The following TAF3 variants were observed in gnomAD, a reference collection of about 807,000 sequenced individuals.
TAF3 encodes the protein transcription initiation factor TFIID subunit 3.
A neutral mutation model predicts 80.6 loss-of-function variants in TAF3; 7 were observed. That is an observed-to-expected ratio of 0.09 (90% CI 0.05 to 0.16). TAF3 has a LOEUF of 0.16. Ranked by LOEUF, TAF3 falls within the 10% of genes least tolerant of loss-of-function variation. The pLI is 1.00. For synonymous variants in TAF3, 444 were observed against 446.1 expected (o/e 1.00, Z 0.06); for missense variants, 921 against 1,140.2 (o/e 0.81, Z 2.77).
Position 7,988,572 on chromosome 10 carries a change from C to CAAAA in TAF3, c.2315+11275_2315+11278dup, listed in dbSNP as rs58825999. On this transcript the variant is annotated intron_variant, in intron 4 of 6. Coordinates refer to ENST00000344293, the MANE Select transcript of TAF3 (RefSeq NM_031923.4). ...TGGGCAACAGAGTGAGACCCTGTCT[C>CAAAA]AAAAAAAAAAAAAAAAAAAAAAAAA... Among the ~76,000 whole-genome samples, 157 of 49,258 alleles carry CAAAA rather than the reference C, an allele frequency of 3.2e-3. 10 individuals carry two copies. Among genetic ancestry groups the CAAAA allele is most frequent in the African/African-American group, 8.3e-3 (119 of 14,318 alleles). 32.3% of individuals were successfully genotyped at this position (49,258 alleles called of 152,430 possible).
chr10:7,870,152 A>G (rs1230361860), intron 2 of TAF3, among the ~76,000 whole-genome samples: 1 of 152,244 alleles, frequency 6.6e-6, no homozygotes, highest in Admixed American at 6.5e-5. Context: ...CTTTCCCATT[A>G]CATTACTGAA....
intron 2 of TAF3, among the ~76,000 whole-genome samples, chr10:7,835,218 G>C (rs1836839898): frequency 6.6e-6 from 1 of 151,872 alleles, no homozygotes; most frequent in Non-Finnish European, 1.5e-5. Context: ...TGCTGAGCTA[G>C]AAAAAAAAGT....
Position 8,009,060 on chromosome 10 carries a change from C to G in TAF3, c.2316-18C>G, listed in dbSNP as rs2137853. The stretch of plus-strand genomic sequence containing the variant: ...ATGATCCTGTTTTGACTTTTACCTT[C>G]TCTTCTTTTGTTGACAGTGTCATCA... On this transcript the variant is annotated intron_variant, in intron 4 of 6. Transcript: ENST00000344293. The surrounding 1 kb of genome is among the most constrained non-coding windows in gnomAD (Gnocchi z 4.1). 3.1e-6 allele frequency: 5 copies of G among 1,593,712 alleles called. No individual in the cohort carries two copies. The highest frequency in any genetic ancestry group is 3.4e-6 in the Non-Finnish European group (4 of 1,170,466).
chr10:7,999,663 G>A (rs544377862), intron 4 of TAF3, among the ~76,000 whole-genome samples: 2 of 152,064 alleles, frequency 1.3e-5, no homozygotes, highest in African/African-American at 2.4e-5. Flanking sequence ...CACCATGTTG[G>A]CCAGGCTGGT....
chr10:7,982,124 G>C (rs950265195), intron 4 of TAF3, among the ~76,000 whole-genome samples: 1 of 152,108 alleles, frequency 6.6e-6, no homozygotes, highest in East Asian at 1.9e-4. Flanking sequence ...ACATTCTTTA[G>C]AGAAATAATA....
intron 2 of TAF3, among the ~76,000 whole-genome samples, chr10:7,898,556 A>C (rs1187552343): frequency 3.0e-5 from 3 of 101,238 alleles, no homozygotes; most frequent in Non-Finnish European, 6.9e-5. Context: ...AAAAAAAAAA[A>C]AAAAAAAAAA....
chr10:7,944,978 G>C (rs900900787), intron 2 of TAF3, among the ~76,000 whole-genome samples: 2 of 152,140 alleles, frequency 1.3e-5, no homozygotes, highest in Non-Finnish European at 2.9e-5. Flanking sequence ...ATATATATTA[G>C]TCTCTACCTA....
intron 2 of TAF3, among the ~76,000 whole-genome samples, chr10:7,930,983 A>G (rs968766121): frequency 2.0e-5 from 3 of 152,188 alleles, no homozygotes; most frequent in African/African-American, 7.2e-5. Flanking sequence ...GCTGCACACT[A>G]TAAATAGAAC....
At chr10:7,913,028 A>G (rs1837671874) in intron 2 of TAF3, among the ~76,000 whole-genome samples, 1 of 151,716 alleles carries the variant, frequency 6.6e-6, no homozygotes, top group South Asian at 2.1e-4. Context: ...TTCCCCTGAG[A>G]CCTCTTTCCT....
intron 2 of TAF3, chr10:7,834,028 A>G (rs771366796): frequency 3.1e-5 from 6 of 192,808 alleles, no homozygotes; most frequent in Admixed American, 6.2e-5. Flanking sequence ...TGGGTTCCTT[A>G]TATATTTTGC....
intron 4 of TAF3, among the ~76,000 whole-genome samples, chr10:8,002,713 C>A (rs1831955987): frequency 6.6e-6 from 1 of 152,100 alleles, no homozygotes; most frequent in South Asian, 2.1e-4. Context: ...TTTCATTATT[C>A]TTATTCAAAC....
intron 2 of TAF3, among the ~76,000 whole-genome samples, chr10:7,943,980 GT>G (rs1487221001): frequency 6.6e-6 from 1 of 152,020 alleles, no homozygotes; most frequent in Non-Finnish European, 1.5e-5. Context: ...AAGGGGGTGG[GT>G]TTTCTTGTTC....
chr10:7,837,341 CAA>C (rs79016748), intron 2 of TAF3, among the ~76,000 whole-genome samples: 18 of 90,026 alleles, frequency 2.0e-4, no homozygotes, highest in Non-Finnish European at 2.0e-4. Flanking sequence ...CCAGTCTGGG[CAA>C]AAAAAAAAAA....
chr10:7,911,431 C>G (rs1383597797), intron 2 of TAF3, among the ~76,000 whole-genome samples: 1 of 152,248 alleles, frequency 6.6e-6, no homozygotes, highest in Non-Finnish European at 1.5e-5. Context: ...TGCAAGTCCT[C>G]TGCCACATGG....
intron 2 of TAF3, among the ~76,000 whole-genome samples, chr10:7,853,802 G>C (rs1360244741): frequency 6.6e-6 from 1 of 152,154 alleles, no homozygotes; most frequent in Non-Finnish European, 1.5e-5. Context: ...GTTACCATCT[G>C]GTCCTTTAAG....
intron 4 of TAF3, among the ~76,000 whole-genome samples, chr10:8,006,829 T>A (rs1831998525): frequency 6.6e-6 from 1 of 152,236 alleles, no homozygotes; most frequent in African/African-American, 2.4e-5. Flanking sequence ...GCCGTGAACA[T>A]GGCACGGGGC....
At chr10:7,944,093 TTGTGTG>T (rs35219363) in intron 2 of TAF3, among the ~76,000 whole-genome samples, 2,032 of 137,156 alleles carry the variant, frequency 0.015, 21 homozygotes, top group South Asian at 0.065. Context: ...ATGTTCATGC[TTGTGTG>T]TGTGTGTGTG....
intron 2 of TAF3, among the ~76,000 whole-genome samples, chr10:7,892,080 A>G (rs897296269): frequency 5.9e-5 from 9 of 152,240 alleles, no homozygotes; most frequent in African/African-American, 2.2e-4. Flanking sequence ...TTCATTTATT[A>G]AATATTTATT....
In TAF3 at chr10:7,822,583, C is replaced by T. The variant is rs116738943; in HGVS notation, c.167-1735C>T. Among the ~76,000 whole-genome samples the T allele has an allele frequency of 6.6e-3, 1,000 of 152,220 alleles. 15 individuals are homozygous for T. The highest frequency in any genetic ancestry group is 0.023 in the African/African-American group (956 of 41,516). On this transcript the variant is annotated intron_variant, in intron 1 of 6. Transcript: ENST00000344293. Reference sequence around the variant, plus strand: ...CGCCTCTACTGCAGCTTCCACCCCTCGAACTGTTAACCATTGGCTGAATAT... The same window carrying T: ...CGCCTCTACTGCAGCTTCCACCCCTTGAACTGTTAACCATTGGCTGAATAT...
Sources: gnomAD v4.1 joint callset for allele counts (sites outside exome capture counted in the v4.1 genomes callset) on GRCh38, gnomAD v4.1.1 for gene constraint, Gnocchi (gnomAD v3.1) non-coding constraint, MANE v1.5 for transcripts, NCBI Gene and HGNC (gene_info 2026-07-23, HGNC 2026-07-21) for gene names.